STK36: variants seen among roughly 807,000 people sequenced by gnomAD.
STK36 encodes serine/threonine-protein kinase 36.
In STK36, 116 loss-of-function variants were observed where a neutral mutation model predicts 142.2. That is an observed-to-expected ratio of 0.82 (90% CI 0.70 to 0.95). STK36 has a LOEUF of 0.95. Among genes scored for constraint, STK36 ranks in the 40% least tolerant of loss-of-function variants. The pLI, the probability that STK36 is intolerant of heterozygous loss-of-function variation, is 0.00. For missense variants in STK36, 1,422 were observed against 1,617.2 expected (o/e 0.88, Z 2.07); for synonymous variants, 619 against 641.7 (o/e 0.96, Z 0.53).
intron 11 of STK36, among the ~76,000 whole-genome samples, chr2:218,686,353 G>A (rs1397298276): frequency 1.3e-5 from 2 of 152,092 alleles, no homozygotes; most frequent in African/African-American, 4.8e-5. Context: ...TGCCTCCCTG[G>A]TTCAAGGGAT....
chr2:218,674,724 C>A (rs1053403647), intron 4 of STK36, among the ~76,000 whole-genome samples: 3 of 152,176 alleles, frequency 2.0e-5, no homozygotes, highest in Non-Finnish European at 2.9e-5. Context: ...GCCTCAGCCT[C>A]CCCAGTAACC....
chr2:218,692,316 G>A lies in STK36; in HGVS notation c.1915+23G>A, dbSNP rs768789346. 4.3e-6 allele frequency: 7 copies of A among 1,613,032 alleles called. No individual in the cohort carries two copies. In the African/African-American group the frequency reaches 8.0e-5, roughly 18 times the overall value. On this transcript the variant is annotated intron_variant, in intron 15 of 26. Transcript: ENST00000295709. ...AAGGTAACCAGAGTGGAGAAGGGAG[G>A]TTCTCTTGACTTACTTGTTGCATAG...
chr2:218,701,995 G>A lies in STK36; in HGVS notation c.3934G>A (p.Ala1312Thr), dbSNP rs1053738101. 4 of 1,613,904 alleles carry A rather than the reference G, an allele frequency of 2.5e-6. No individual in the cohort carries two copies. The South Asian group carries it at 3.3e-5, about 13-fold the overall frequency. The change falls in exon 27 of 27, where the codon GCC becomes ACC. Residue 1312 changes from alanine (A) to threonine (T), a missense_variant. Physicochemically the swap from Ala to Thr is moderately conservative, Grantham distance 58 (BLOSUM62 0). Transcript: ENST00000295709. ...GAAACTCATTCACCTCCTGAGGCCA[G>A]CCCATAGCATGTGATTCCAGATTCC... ...CRKLIHLLRP[A>T]HSM is the part of the protein sequence containing the mutation.
chr2:218,675,932 C>T (rs888638065), intron 5 of STK36, 97 bp from the exon 6 acceptor site: 1 of 1,495,768 alleles, frequency 6.7e-7, no homozygotes, highest in East Asian at 2.3e-5. Flanking sequence ...CAAAGGTGCT[C>T]CCTCTGCTCC....
rs777824188 is a variant in STK36, at chr2:218,688,816, G to C, written c.1500G>C (p.Gly500=). Residue 500 remains glycine, a synonymous_variant, in exon 12 of 27, where the codon GGG becomes GGC. Transcript: ENST00000295709. ...TGTATTCCTTCTGCCGGGAGGCAGGGCTTCCTGGGCTGCTGCTGAGTCTAC... is the reference window on the plus strand; with the variant it reads ...TGTATTCCTTCTGCCGGGAGGCAGGCCTTCCTGGGCTGCTGCTGAGTCTAC... ...VALYSFCREA[G]LPGLLLSLLR... is the part of the protein sequence containing the mutation. The C allele has an allele frequency of 6.2e-7, 1 of 1,613,714 alleles. No individual in the cohort carries two copies. Among genetic ancestry groups the C allele is most frequent in the Admixed American group, 1.7e-5 (1 of 60,024 alleles).
Position 218,702,106 on chromosome 2 carries a change from GA to G in STK36, c.*101del. 1.4e-6 allele frequency: 2 copies of G among 1,455,088 alleles called. No homozygotes were observed. The highest frequency in any genetic ancestry group is 1.8e-6 in the Non-Finnish European group (2 of 1,085,694). The allele number at this position is 1,455,088 out of a possible 1,614,324, so 90.1% of individuals were successfully genotyped here. A position where few individuals can be genotyped will look rare whatever the true frequency, so the allele number is the denominator to read the frequency against. ...ACTCAACTGAGAGCTAAAGAGACTA[GA>G]AAAGAGATAAGCTGCCAACTCAACT... On this transcript the variant is annotated 3_prime_UTR_variant, in exon 27 of 27. Transcript: ENST00000295709.
At position 218,694,063 on chromosome 2, in the gene STK36, C is replaced by T. The variant is rs900748787; in HGVS notation, c.2336+80C>T. ...CTCACAAAGAGTATGGGGAATGGTA[C>T]CCTACAGCATATCCTTAGGAGGAAT... On this transcript the variant is annotated intron_variant, in intron 19 of 26. Coordinates refer to ENST00000295709, the MANE Select transcript of STK36 (RefSeq NM_015690.5). This position sits in a 1 kb window ranked among gnomAD's most constrained non-coding sequence, Gnocchi z 4.4. The T allele has an allele frequency of 4.9e-5, 69 of 1,403,654 alleles. No individual in the cohort carries two copies. The highest frequency in any genetic ancestry group is 1.0e-4 in the Admixed American group (6 of 59,502). 86.9% of individuals were successfully genotyped at this position (1,403,654 alleles called of 1,614,324 possible).
At chr2:218,676,575 G>C (rs1358515979) in intron 6 of STK36, among the ~76,000 whole-genome samples, 1 of 151,534 alleles carries the variant, frequency 6.6e-6, no homozygotes, top group Non-Finnish European at 1.5e-5. Context: ...CATGTCTTAC[G>C]TGGTGGACCA....
intron 26 of STK36, among the ~76,000 whole-genome samples, chr2:218,700,381 T>C (rs1238308192): frequency 6.6e-6 from 1 of 151,950 alleles, no homozygotes. Context: ...CTTTGTATTT[T>C]TATTATTTAT....
intron 5 of STK36, among the ~76,000 whole-genome samples, chr2:218,675,801 G>C (rs1940216021): frequency 6.6e-6 from 1 of 152,156 alleles, no homozygotes; most frequent in Admixed American, 6.5e-5. Flanking sequence ...TGGGATTACA[G>C]GCATGAGCCA....
At chr2:218,677,753 T>C (rs2106345710) in intron 6 of STK36, among the ~76,000 whole-genome samples, 1 of 152,318 alleles carries the variant, frequency 6.6e-6, no homozygotes, top group South Asian at 2.1e-4. Flanking sequence ...GTCAGTAGTC[T>C]GGAGGAGGGA....
chr2:218,693,594 G>C, intron 17 of STK36, 129 bp from the exon 18 acceptor site: 2 of 909,382 alleles, frequency 2.2e-6, no homozygotes, highest in Non-Finnish European at 1.7e-6. Context: ...GGCAGAAGGG[G>C]GTTCTCTCAC....
At chr2:218,678,429 A>G (rs1940354773) in intron 6 of STK36, among the ~76,000 whole-genome samples, 2 of 152,188 alleles carry the variant, frequency 1.3e-5, no homozygotes, top group Non-Finnish European at 2.9e-5. Flanking sequence ...TAAATGAAGG[A>G]ATCTTAAGTG....
chr2:218,679,752 T>C (rs1186741361), intron 8 of STK36, 23 bp downstream of exon 8: 8 of 1,613,908 alleles, frequency 5.0e-6, no homozygotes, highest in South Asian at 2.2e-5. Flanking sequence ...GAGGAAAATA[T>C]GTGAAATGAC....
At position 218,693,224 on chromosome 2, in the gene STK36, A is replaced by C; in HGVS notation, c.2044-16A>C. 1 of 1,610,862 alleles carries C rather than the reference A, an allele frequency of 6.2e-7. No individual in the cohort carries two copies. The stretch of plus-strand genomic sequence containing the variant: ...ATCATGTGGATAGGATTGAGCCTTC[A>C]GGTATGTCTCTATAGGTCTGTTGGC... On this transcript the variant is annotated splice_polypyrimidine_tract_variant and intron_variant, in intron 16 of 26. Coordinates refer to ENST00000295709, the MANE Select transcript of STK36 (RefSeq NM_015690.5).
At chr2:218,698,456 CAT>C (rs1313865141) in intron 25 of STK36, 144 bp from the exon 26 acceptor site, 2 of 954,820 alleles carry the variant, frequency 2.1e-6, no homozygotes, top group Non-Finnish European at 3.1e-6. Context: ...CGTTGTGTCT[CAT>C]GTGGAGTGCT....
In STK36 at chr2:218,679,239, C is replaced by T. The variant is rs1940391789; in HGVS notation, c.756C>T (p.Pro252=). Reference sequence around the variant, plus strand: ...CCTGGCCAGACCTCTTATATCACCCCTTTATTGCTGGTCATGTCACCAGTG... The same window carrying T: ...CCTGGCCAGACCTCTTATATCACCCTTTTATTGCTGGTCATGTCACCAGTG... The part of the protein sequence containing the change: ...RLSWPDLLYH[P]FIAGHVTIIT... The change falls in exon 7 of 27, where the codon CCC becomes CCT. Residue 252 remains proline, a synonymous_variant. Coordinates refer to ENST00000295709, the MANE Select transcript of STK36 (RefSeq NM_015690.5). 4 of 1,614,172 alleles carry T rather than the reference C, an allele frequency of 2.5e-6. No homozygotes were observed. The East Asian group carries it at 8.9e-5, about 36-fold the overall frequency.
In STK36 at chr2:218,679,821, C is replaced by T. The variant is rs879037027; in HGVS notation, c.949-72C>T. On this transcript the variant is annotated intron_variant, in intron 8 of 26. Transcript: ENST00000295709. ...TGACTTTCTAGGGTTGGAGAAGGGC[C>T]GTGAATAGCATTCATATTGTCCTAT... The T allele has an allele frequency of 8.7e-5, 140 of 1,604,324 alleles. 2 individuals are homozygous for T. In the South Asian group the frequency reaches 1.5e-3, roughly 17 times the overall value.
At chr2:218,680,185 A>C in intron 9 of STK36, 105 bp downstream of exon 9, 1 of 1,065,848 alleles carries the variant, frequency 9.4e-7, no homozygotes, top group Non-Finnish European at 1.4e-6. Context: ...CACTGCCTAA[A>C]CATGGATAGA....
Sources: allele counts gnomAD v4.1 joint callset (sites outside exome capture counted in the v4.1 genomes callset), GRCh38; gene constraint gnomAD v4.1.1; non-coding constraint Gnocchi (gnomAD v3.1); transcripts MANE v1.5; gene names NCBI Gene and HGNC (gene_info 2026-07-23, HGNC 2026-07-21).